The following THUMPD3 variants were observed in gnomAD, a reference collection of about 807,000 sequenced individuals.
THUMPD3 encodes the protein THUMP domain 3 tRNA guanosine methyltransferase.
In THUMPD3, 44 loss-of-function variants were observed where a neutral mutation model predicts 54.5. The observed-to-expected ratio is 0.81, with a 90% confidence interval of 0.63 to 1.04. The LOEUF (loss-of-function observed/expected upper bound fraction) is 1.04. THUMPD3 is among the 50% of genes least tolerant of loss of function. The pLI is 0.00. For synonymous variants in THUMPD3, 196 were observed against 201.4 expected (o/e 0.97, Z 0.23); for missense variants, 604 against 601.3 (o/e 1.00, Z -0.05).
At chr3:9,378,245 T>C (rs139725357) in intron 6 of THUMPD3, among the ~76,000 whole-genome samples, 172 of 152,352 alleles carry the variant, frequency 1.1e-3, no homozygotes, top group Non-Finnish European at 2.2e-3. Context: ...AATTTTCTTC[T>C]CTGTAATCCA....
At chr3:9,364,972 T>C in intron 1 of THUMPD3, 44 bp from the exon 2 acceptor site, 1 of 1,469,564 alleles carries the variant, frequency 6.8e-7, no homozygotes, top group South Asian at 1.4e-5. Context: ...ATAACTGAAA[T>C]ATGAGATGAT....
chr3:9,381,756 CTTTTTTTT>C (rs753480713), intron 7 of THUMPD3, among the ~76,000 whole-genome samples: 7 of 44,340 alleles, frequency 1.6e-4, no homozygotes, highest in African/African-American at 3.1e-4. Flanking sequence ...TCAACCCGTA[CTTTTTTTT>C]TTTTTTTTTT....
rs760738758 is a variant in THUMPD3 at position 9,384,565 on chromosome 3, A to G, written c.1401A>G (p.Thr467=). The G allele has an allele frequency of 1.2e-6, 2 of 1,614,102 alleles. No individual in the cohort carries two copies. Among genetic ancestry groups the G allele is most frequent in the South Asian group, 1.1e-5 (1 of 91,090 alleles). ...GMRHVWRKVD[T]VWVNVGGLRA... is the part of the protein sequence containing the mutation. ...GACACGTATGGCGAAAGGTGGATAC[A>G]GTCTGGGTGAACGTTGGTGGTCTTC... The change falls in exon 10 of 10, where the codon ACA becomes ACG. Residue 467 remains threonine (T), a synonymous_variant. Transcript: ENST00000452837.
At position 9,371,338 on chromosome 3, in the gene THUMPD3, T is replaced by G. The variant is rs1262179578; in HGVS notation, c.609T>G (p.Asp203Glu). 6.2e-7 allele frequency: 1 copy of G among 1,614,150 alleles called. No homozygotes were observed. The highest frequency in any genetic ancestry group is 8.5e-7 in the Non-Finnish European group (1 of 1,180,028). The change falls in exon 4 of 10, where the codon GAT (aspartate) becomes GAG (glutamate). Residue 203 changes from aspartate to glutamate, a missense_variant. Asp to Glu is a conservative substitution (Grantham distance 45, BLOSUM62 2). Coordinates refer to ENST00000452837, the MANE Select transcript of THUMPD3 (RefSeq NM_001114092.2). Reference sequence around the variant, plus strand: ...AGGATGTATCAACATTAATAGGTGATGATTTGGCATCTTGCAAAGATGAGA... The same window carrying G: ...AGGATGTATCAACATTAATAGGTGAGGATTTGGCATCTTGCAAAGATGAGA... ...IKEDVSTLIG[D>E]DLASCKDETD...
rs1162902276 is a variant in THUMPD3 at position 9,371,547 on chromosome 3, G to A, written c.807+11G>A. The A allele has an allele frequency of 1.0e-5, 16 of 1,587,884 alleles. No homozygotes were observed. The highest frequency in any genetic ancestry group is 1.4e-5 in the Non-Finnish European group (16 of 1,163,790). On this transcript the variant is annotated intron_variant, in intron 4 of 9. Transcript: ENST00000452837. ...AACTTTGATGTGGAGGTAGGTATAGGCTCTGACTGTGGTGATTGAAGAATG... is the reference window on the plus strand; with the variant it reads ...AACTTTGATGTGGAGGTAGGTATAGACTCTGACTGTGGTGATTGAAGAATG...
chr3:9,371,648 T>G, intron 4 of THUMPD3, 112 bp downstream of exon 4: 1 of 944,256 alleles, frequency 1.1e-6, no homozygotes, highest in Non-Finnish European at 1.6e-6. Context: ...TAGGGTGTGG[T>G]TAAGAAGAGC....
chr3:9,381,066 G>C (rs1012911036), intron 7 of THUMPD3, among the ~76,000 whole-genome samples: 2 of 152,152 alleles, frequency 1.3e-5, no homozygotes, highest in African/African-American at 4.8e-5. Context: ...CTAGTAGCTA[G>C]GAATACAGGC....
chr3:9,378,796 A>G (rs2032661567), intron 6 of THUMPD3, among the ~76,000 whole-genome samples: 5 of 152,200 alleles, frequency 3.3e-5, no homozygotes, highest in African/African-American at 1.2e-4. Context: ...ACTGTGGCTT[A>G]AAGAGACTGC....
rs1322378570 is a variant in THUMPD3, at chr3:9,374,512, A to G, written c.808-4A>G. On this transcript the variant is annotated splice_region_variant and splice_polypyrimidine_tract_variant and intron_variant, in intron 4 of 9. Transcript: ENST00000452837. ...CTATTTTGTCTTGTTCCACTTTGCT[A>G]TAGGTTCTTTTGAACATCCATGATA... 2 of 1,613,068 alleles carry G rather than the reference A, an allele frequency of 1.2e-6. No individual in the cohort carries two copies. Among genetic ancestry groups the G allele is most frequent in the Non-Finnish European group, 1.7e-6 (2 of 1,179,644 alleles).
Position 9,384,772 on chromosome 3 carries a change from T to A in THUMPD3, c.*84T>A. 8.7e-6 allele frequency: 13 copies of A among 1,494,252 alleles called. No individual in the cohort carries two copies. Among genetic ancestry groups the A allele is most frequent in the Non-Finnish European group, 1.2e-5 (13 of 1,086,556 alleles). 92.6% of individuals were successfully genotyped at this position (1,494,252 alleles called of 1,614,324 possible). ...GAGAGGAAAAAAGTATTAACAAAAC[T>A]GCAGTCTGCACTCTTTAAACCTGTT... On this transcript the variant is annotated 3_prime_UTR_variant, in exon 10 of 10. Transcript: ENST00000452837.
chr3:9,371,903 G>T (rs1382155092), intron 4 of THUMPD3, among the ~76,000 whole-genome samples: 1 of 152,188 alleles, frequency 6.6e-6, no homozygotes, highest in African/African-American at 2.4e-5. Context: ...TCGAGACAGA[G>T]TCTTGCTCTG....
intron 3 of THUMPD3, among the ~76,000 whole-genome samples, chr3:9,367,811 A>G (rs1424548696): frequency 6.6e-6 from 1 of 152,192 alleles, no homozygotes; most frequent in Non-Finnish European, 1.5e-5. Context: ...CACACCTGTA[A>G]TCCCAGCACT....
intron 3 of THUMPD3, among the ~76,000 whole-genome samples, chr3:9,368,115 C>CT (rs1430165563): frequency 3.9e-5 from 6 of 152,072 alleles, no homozygotes; most frequent in African/African-American, 1.4e-4. Context: ...AAGTAAAAAT[C>CT]TAACTTTTAG....
rs1176158918 is a variant in THUMPD3 at position 9,384,230 on chromosome 3, A to C, written c.1254A>C (p.Arg418Ser). The C allele has an allele frequency of 1.9e-6, 3 of 1,614,110 alleles. No homozygotes were observed. The highest frequency in any genetic ancestry group is 2.5e-6 in the Non-Finnish European group (3 of 1,179,992). ...ATTATAGGATGGGATCCAAGAAGAG[A>C]AACTGGAACCTTTATCCAGCTTGCC... Reference protein sequence around the residue: ...PFGKRMGSKKRNWNLYPACLR... With the variant: ...PFGKRMGSKKSNWNLYPACLR... The change falls in exon 9 of 10, where the codon AGA (arginine) becomes AGC (serine). Residue 418 changes from arginine (R) to serine (S), a missense_variant. Arg to Ser is a moderately radical substitution (Grantham distance 110, BLOSUM62 -1). Transcript: ENST00000452837.
chr3:9,386,284 A>C lies in THUMPD3; in HGVS notation c.*1596A>C, dbSNP rs1020768103. The C allele has an allele frequency of 1.3e-5, 2 of 152,098 alleles. No homozygotes were observed. Among genetic ancestry groups the C allele is most frequent in the Non-Finnish European group, 2.9e-5 (2 of 68,024 alleles). The allele number at this position is 152,098 out of a possible 1,614,324, so 9.4% of individuals were successfully genotyped here. On this transcript the variant is annotated 3_prime_UTR_variant, in exon 10 of 10. Coordinates refer to ENST00000452837, the MANE Select transcript of THUMPD3 (RefSeq NM_001114092.2). ...GGCCGAACACAAAACTTTTCACCTG[A>C]TGGGAGAAACCATTTAAACCTCAAA...
chr3:9,374,174 TC>T (rs1246423525), intron 4 of THUMPD3, among the ~76,000 whole-genome samples: 3 of 152,260 alleles, frequency 2.0e-5, no homozygotes, highest in African/African-American at 4.8e-5. Context: ...ATAGTTTTTT[TC>T]GTTCATTTTA....
chr3:9,377,965 A>T (rs2032609154), intron 6 of THUMPD3, 77 bp downstream of exon 6: 1 of 1,205,868 alleles, frequency 8.3e-7, no homozygotes, highest in African/African-American at 1.5e-5. Flanking sequence ...AATTAGACAT[A>T]ATGAAATCTC....
Position 9,384,591 on chromosome 3 carries a change from G to A in THUMPD3, c.1427G>A (p.Arg476His), listed in dbSNP as rs769058274. ...DTVWVNVGGL[R>H]AAVYVLIRTP... The stretch of plus-strand genomic sequence containing the variant: ...GTCTGGGTGAACGTTGGTGGTCTTC[G>A]TGCTGCAGTTTACGTTCTGATACGT... Residue 476 changes from arginine to histidine, a missense_variant, in exon 10 of 10, where the codon CGT (arginine) becomes CAT (histidine). Coordinates refer to ENST00000452837, the MANE Select transcript of THUMPD3 (RefSeq NM_001114092.2). 34 of 1,614,032 alleles carry A rather than the reference G, an allele frequency of 2.1e-5. No homozygotes were observed. The highest frequency in any genetic ancestry group is 5.0e-5 in the Admixed American group (3 of 59,994).
rs747153526 is a variant in THUMPD3, at chr3:9,365,296, C to CA, written c.229dup (p.Ile77AsnfsTer16). The CA allele has an allele frequency of 5.0e-6, 8 of 1,614,178 alleles. No homozygotes were observed. The Admixed American group carries it at 1.3e-4, about 27-fold the overall frequency. On this transcript the variant is annotated frameshift_variant, in exon 2 of 10. Transcript: ENST00000452837. LOFTEE classifies it high-confidence loss of function. Reference sequence around the variant, plus strand: ...GAGACCGTGGCAAGATATATTTTGTCATTTCAGTGGAAAGTCTGGCACAGG... The same window carrying CA: ...GAGACCGTGGCAAGATATATTTTGTCAATTTCAGTGGAAAGTCTGGCACAGG...
Sources: gnomAD v4.1 joint callset for allele counts (sites outside exome capture counted in the v4.1 genomes callset) on GRCh38, gnomAD v4.1.1 for gene constraint, MANE v1.5 for transcripts, NCBI Gene and HGNC (gene_info 2026-07-23, HGNC 2026-07-21) for gene names.